Variants in SLC30A8 observed in about 807,000 individuals in gnomAD.
SLC30A8 encodes the protein proton-coupled zinc antiporter SLC30A8.
SLC30A8 carries 27 observed loss-of-function variants against 36.9 expected under a neutral mutation model. That is an observed-to-expected ratio of 0.73 (90% CI 0.54 to 1.01). SLC30A8 has a LOEUF of 1.01. Among genes scored for constraint, SLC30A8 ranks in the 50% least tolerant of loss-of-function variants. SLC30A8 has a pLI of 0.00. For synonymous variants in SLC30A8, 164 were observed against 172.4 expected, an observed-to-expected ratio of 0.95 and a Z score of 0.38; for missense variants, 439 against 452.0, an observed-to-expected ratio of 0.97 and a Z score of 0.26.
chr8:116,951,773 G>A (rs948305609), intron 1 of SLC30A8, among the ~76,000 whole-genome samples: 5 of 151,960 alleles, frequency 3.3e-5, no homozygotes, highest in African/African-American at 9.7e-5. Flanking sequence ...TTGTGTCTAC[G>A]GGGTGCCAGC....
At chr8:116,995,833 C>T (rs1029025121) in intron 1 of SLC30A8, among the ~76,000 whole-genome samples, 7 of 152,108 alleles carry the variant, frequency 4.6e-5, no homozygotes, top group African/African-American at 1.2e-4. Flanking sequence ...GACAGATAGC[C>T]GTCCTGCACA....
intron 1 of SLC30A8, among the ~76,000 whole-genome samples, chr8:117,037,236 G>A (rs1274718376): frequency 6.6e-6 from 1 of 152,144 alleles, no homozygotes; most frequent in Non-Finnish European, 1.5e-5. Context: ...GGCATTCTCT[G>A]TAGCTCAGAT....
At chr8:116,986,511 A>G (rs1179006602) in intron 1 of SLC30A8, among the ~76,000 whole-genome samples, 1 of 152,222 alleles carries the variant, frequency 6.6e-6, no homozygotes, top group Non-Finnish European at 1.5e-5. Context: ...TTAAAATTCA[A>G]ATTAAAAGCC....
intron 2 of SLC30A8, among the ~76,000 whole-genome samples, chr8:117,113,335 G>A (rs1820312082): frequency 6.6e-6 from 1 of 152,124 alleles, no homozygotes; most frequent in Admixed American, 6.6e-5. Flanking sequence ...GCTTGTAATG[G>A]AATGGAAGCA....
intron 2 of SLC30A8, among the ~76,000 whole-genome samples, chr8:117,152,246 T>C (rs1010607742): frequency 1.3e-5 from 2 of 152,150 alleles, no homozygotes; most frequent in Non-Finnish European, 2.9e-5. Flanking sequence ...ACTTCTATTT[T>C]GGAGGCTGGA....
At chr8:117,161,503 T>C (rs769490248) in intron 4 of SLC30A8, among the ~76,000 whole-genome samples, 1 of 152,206 alleles carries the variant, frequency 6.6e-6, no homozygotes, top group Non-Finnish European at 1.5e-5. Context: ...AGATAAACAT[T>C]AGGTGGATGA....
intron 2 of SLC30A8, among the ~76,000 whole-genome samples, chr8:117,113,799 G>A (rs1820330793): frequency 6.6e-6 from 1 of 152,088 alleles, no homozygotes; most frequent in South Asian, 2.1e-4. Flanking sequence ...GGCATGCTTG[G>A]TTCCCGCCCT....
chr8:117,046,357 G>T (rs17665254), intron 2 of SLC30A8, among the ~76,000 whole-genome samples: 24,010 of 152,100 alleles, frequency 0.16, 2,010 homozygotes, highest in Non-Finnish European at 0.2. Flanking sequence ...TTCTGCATGC[G>T]TCTTGTCCCC....
At chr8:117,014,610 A>G (rs1816450991) in intron 1 of SLC30A8, among the ~76,000 whole-genome samples, 1 of 152,192 alleles carries the variant, frequency 6.6e-6, no homozygotes, top group Non-Finnish European at 1.5e-5. Flanking sequence ...ACAAGTACGT[A>G]GTGTTACTGA....
At chr8:117,133,327 T>C (rs568813566), upstream of SLC30A8, among the ~76,000 whole-genome samples, 1 of 152,114 alleles carries the variant, frequency 6.6e-6, no homozygotes, top group Non-Finnish European at 1.5e-5. Flanking sequence ...ACTTTATTCT[T>C]GCCCCATAGG....
At chr8:117,052,340 C>T (rs1181900985) in intron 2 of SLC30A8, among the ~76,000 whole-genome samples, 1 of 152,190 alleles carries the variant, frequency 6.6e-6, no homozygotes, top group Non-Finnish European at 1.5e-5. Context: ...ATTACCCAGC[C>T]TCAGGTATTC....
chr8:117,157,569 T>G (rs1822559954), intron 3 of SLC30A8, 122 bp from the exon 4 acceptor site: 1 of 1,033,034 alleles, frequency 9.7e-7, no homozygotes, highest in Non-Finnish European at 1.4e-6. Context: ...TGTGAATCAC[T>G]GGATGAACTA....
chr8:117,142,635 A>G (rs1233633430), intron 1 of SLC30A8, among the ~76,000 whole-genome samples: 1 of 152,132 alleles, frequency 6.6e-6, no homozygotes, highest in Non-Finnish European at 1.5e-5. Flanking sequence ...TGCTCCAGCA[A>G]TGCCCTCTAC....
At chr8:117,098,847 A>C (rs1294212628) in intron 2 of SLC30A8, among the ~76,000 whole-genome samples, 2 of 152,176 alleles carry the variant, frequency 1.3e-5, no homozygotes, top group African/African-American at 2.4e-5. Context: ...TGGGGTGGAT[A>C]GTTAGCTTCT....
intron 1 of SLC30A8, among the ~76,000 whole-genome samples, chr8:117,029,254 A>T (rs540312568): frequency 5.3e-5 from 8 of 152,320 alleles, no homozygotes; most frequent in African/African-American, 1.9e-4. Flanking sequence ...GTATTGGCTA[A>T]AAGGTGGACT....
chr8:117,004,595 T>G (rs1816114256), intron 1 of SLC30A8, among the ~76,000 whole-genome samples: 1 of 152,138 alleles, frequency 6.6e-6, no homozygotes, highest in Admixed American at 6.5e-5. Flanking sequence ...TGAAAGCAAG[T>G]CTACTTCATG....
At chr8:117,097,640 TA>T (rs1234221941) in intron 2 of SLC30A8, among the ~76,000 whole-genome samples, 8 of 70,792 alleles carry the variant, frequency 1.1e-4, no homozygotes, top group African/African-American at 7.1e-4. Context: ...ATATAATATA[TA>T]ATTTTAAATA....
At chr8:117,076,150 C>G (rs980771819) in intron 2 of SLC30A8, among the ~76,000 whole-genome samples, 1 of 152,194 alleles carries the variant, frequency 6.6e-6, no homozygotes, top group Admixed American at 6.5e-5. Context: ...CCCCCTTCAG[C>G]TAGAGTTCCT....
At chr8:117,096,264 T>A (rs1202581021) in intron 2 of SLC30A8, among the ~76,000 whole-genome samples, 3 of 152,188 alleles carry the variant, frequency 2.0e-5, no homozygotes, top group Admixed American at 6.5e-5. Flanking sequence ...TCCTCATCCA[T>A]GTATGTGGTA....
Sources: gnomAD v4.1 joint callset for allele counts (sites outside exome capture counted in the v4.1 genomes callset) on GRCh38, gnomAD v4.1.1 for gene constraint, MANE v1.5 for transcripts, NCBI Gene and HGNC (gene_info 2026-07-23, HGNC 2026-07-21) for gene names.